The following RAB27B variants were observed in gnomAD, a reference collection of about 807,000 sequenced individuals.
RAB27B encodes RAB27B, member RAS oncogene family.
In RAB27B, 15 loss-of-function variants were observed where a neutral mutation model predicts 24.6. The observed-to-expected ratio is 0.61, with a 90% confidence interval of 0.41 to 0.94. RAB27B has a LOEUF of 0.94. RAB27B is among the 40% of genes least tolerant of loss of function. The pLI is 0.00. For missense variants in RAB27B, 261 were observed against 266.8 expected (o/e 0.98, Z 0.15); for synonymous variants, 105 against 92.5 (o/e 1.14, Z -0.78).
At chr18:54,866,862 A>G (rs928555138) in intron 1 of RAB27B, among the ~76,000 whole-genome samples, 6 of 152,186 alleles carry the variant, frequency 3.9e-5, no homozygotes, top group African/African-American at 1.4e-4. Context: ...CACCAATTCA[A>G]GGCACCACCA....
At chr18:54,857,865 CTATT>C (rs551430279) in intron 1 of RAB27B, among the ~76,000 whole-genome samples, 124 of 152,322 alleles carry the variant, frequency 8.1e-4, no homozygotes, top group African/African-American at 2.9e-3. Flanking sequence ...CTATTTTATC[CTATT>C]TAGATTGCTT....
At chr18:54,792,979 T>G (rs1486481144) in intron 2 of RAB27B, among the ~76,000 whole-genome samples, 2 of 152,226 alleles carry the variant, frequency 1.3e-5, no homozygotes, top group Non-Finnish European at 2.9e-5. Context: ...GTCAGCCTTC[T>G]GTATATACGG....
chr18:54,781,548 G>T (rs1908918775), intron 2 of RAB27B, among the ~76,000 whole-genome samples: 1 of 151,960 alleles, frequency 6.6e-6, no homozygotes, highest in Admixed American at 6.6e-5. Context: ...TGCACAGACT[G>T]GTCTTGAATT....
chr18:54,884,590 G>T (rs1054972984), intron 4 of RAB27B, among the ~76,000 whole-genome samples, 154 bp downstream of exon 4: 1 of 152,112 alleles, frequency 6.6e-6, no homozygotes, highest in South Asian at 2.1e-4. Flanking sequence ...CACCTTCAAA[G>T]TGGTGGCCTT....
At chr18:54,823,329 T>C (rs1910368739) in intron 2 of RAB27B, among the ~76,000 whole-genome samples, 1 of 152,136 alleles carries the variant, frequency 6.6e-6, no homozygotes, top group Non-Finnish European at 1.5e-5. Flanking sequence ...CAGCAGGAGG[T>C]AGGGGCACAC....
At chr18:54,870,568 C>T (rs1912421763) in intron 1 of RAB27B, among the ~76,000 whole-genome samples, 3 of 151,986 alleles carry the variant, frequency 2.0e-5, no homozygotes, top group Admixed American at 2.0e-4. Context: ...AGACCTAAAG[C>T]TCTATTAAGG....
chr18:54,728,875 C>CAAAAA lies in RAB27B; in HGVS notation c.-20+10755_-20+10759dup, dbSNP rs56161105. The stretch of plus-strand genomic sequence containing the variant: ...TGGAAGACAGAGTAAGACTCTGTCT[C>CAAAAA]AAAAAAAAAAAAAAAAAAAAAAAAA... On this transcript the variant is annotated intron_variant, in intron 2 of 4. Coordinates refer to the RAB27B transcript ENST00000586570. Among the ~76,000 whole-genome samples the CAAAAA allele has an allele frequency of 1.4e-4, 5 of 36,658 alleles. 1 individual carries two copies. The highest frequency in any genetic ancestry group is 2.6e-3 in the South Asian group (1 of 386). 24.0% of individuals were successfully genotyped at this position (36,658 alleles called of 152,430 possible). A position where few individuals can be genotyped will look rare whatever the true frequency, so the allele number is the denominator to read the frequency against.
At chr18:54,860,813 C>G (rs903914611) in intron 1 of RAB27B, among the ~76,000 whole-genome samples, 4 of 152,178 alleles carry the variant, frequency 2.6e-5, no homozygotes, top group Non-Finnish European at 1.5e-5. Flanking sequence ...GTGAAACAAA[C>G]AAGCACCTTC....
At chr18:54,826,359 C>G (rs866494549), upstream of RAB27B, among the ~76,000 whole-genome samples, 1 of 152,152 alleles carries the variant, frequency 6.6e-6, no homozygotes, top group African/African-American at 2.4e-5. Context: ...TCTGCTCTAC[C>G]TCTGGTCAAA....
intron 2 of RAB27B, among the ~76,000 whole-genome samples, chr18:54,764,187 T>G (rs1473756754): frequency 4.6e-5 from 7 of 152,222 alleles, no homozygotes; most frequent in African/African-American, 7.2e-5. Flanking sequence ...ATCTTTGCAT[T>G]GCCTCATTGT....
chr18:54,833,087 T>C (rs1275552992), intron 1 of RAB27B, among the ~76,000 whole-genome samples: 1 of 152,066 alleles, frequency 6.6e-6, no homozygotes, highest in East Asian at 1.9e-4. Flanking sequence ...GCTGTGAGCA[T>C]AGTTTGAAGA....
At chr18:54,722,325 T>C (rs1909385585) in intron 2 of RAB27B, among the ~76,000 whole-genome samples, 1 of 152,150 alleles carries the variant, frequency 6.6e-6, no homozygotes, top group Non-Finnish European at 1.5e-5. Context: ...AGCTAGGATC[T>C]TTGTTAGATG....
At position 54,789,571 on chromosome 18, in the gene RAB27B, C is replaced by T. The variant is rs541438133; in HGVS notation, c.-20+71430C>T. ...CAAATACAGGTTTCATATGTCTTAC[C>T]TCTACATTCTTTTTTCTGTCTTCCA... On this transcript the variant is annotated intron_variant, in intron 2 of 4. Coordinates refer to the RAB27B transcript ENST00000586570. Among the ~76,000 whole-genome samples the T allele has an allele frequency of 3.3e-5, 5 of 151,844 alleles. No individual in the cohort carries two copies. In the East Asian group the frequency reaches 9.7e-4, roughly 29 times the overall value.
chr18:54,733,237 G>A (rs1909782224), intron 2 of RAB27B, among the ~76,000 whole-genome samples: 2 of 151,970 alleles, frequency 1.3e-5, no homozygotes, highest in South Asian at 4.2e-4. Flanking sequence ...TTTTAGAGAT[G>A]AGGTCTTGCT....
chr18:54,800,512 T>C (rs1909566680), intron 2 of RAB27B, among the ~76,000 whole-genome samples: 1 of 152,228 alleles, frequency 6.6e-6, no homozygotes, highest in Non-Finnish European at 1.5e-5. Context: ...ATGAAGACCA[T>C]TTCATTTTAA....
chr18:54,762,961 G>A (rs930986801), intron 2 of RAB27B, among the ~76,000 whole-genome samples: 7 of 152,108 alleles, frequency 4.6e-5, no homozygotes, highest in African/African-American at 1.2e-4. Context: ...GAATAAATGT[G>A]TAAATTAAAG....
upstream of RAB27B, among the ~76,000 whole-genome samples, chr18:54,824,228 T>C (rs1307155399): frequency 1.3e-5 from 2 of 152,234 alleles, no homozygotes; most frequent in Non-Finnish European, 2.9e-5. Context: ...TATTCTATCA[T>C]AATGTTTCTT....
intron 1 of RAB27B, among the ~76,000 whole-genome samples, chr18:54,832,187 T>A (rs1910707641): frequency 1.3e-5 from 2 of 151,934 alleles, no homozygotes; most frequent in African/African-American, 2.4e-5. Context: ...ACTACAACAG[T>A]GGCAAAGATT....
At chr18:54,865,237 TTGTGTGTGTGTGTGTG>T (rs3060044) in intron 1 of RAB27B, among the ~76,000 whole-genome samples, 1 of 143,392 alleles carries the variant, frequency 7.0e-6, no homozygotes, top group African/African-American at 2.6e-5. Flanking sequence ...CAATGGCCTT[TTGTGTGTGTGTGTGTG>T]TGTGTGTGTG....
Sources: gnomAD v4.1 joint callset for allele counts (sites outside exome capture counted in the v4.1 genomes callset) on GRCh38, gnomAD v4.1.1 for gene constraint, MANE v1.5 for transcripts, NCBI Gene and HGNC (gene_info 2026-07-23, HGNC 2026-07-21) for gene names.